UNC79: variants seen among roughly 807,000 people sequenced by gnomAD.
The protein encoded by UNC79 is protein unc-79 homolog.
A neutral mutation model predicts 283.1 loss-of-function variants in UNC79; 37 were observed. That is an observed-to-expected ratio of 0.13 (90% CI 0.10 to 0.17). The LOEUF is 0.17. Ranked by LOEUF, UNC79 falls within the 10% of genes least tolerant of loss-of-function variation. The pLI is 1.00. For missense variants in UNC79, 2,272 were observed against 3,211.1 expected, an observed-to-expected ratio of 0.71 and a Z score of 7.07; for synonymous variants, 1,107 against 1,200.2, an observed-to-expected ratio of 0.92 and a Z score of 1.61.
intron 47 of UNC79, among the ~76,000 whole-genome samples, chr14:93,696,765 G>A (rs546246217): frequency 3.0e-4 from 45 of 152,218 alleles, no homozygotes; most frequent in African/African-American, 9.9e-4. Context: ...TTTTAATTTT[G>A]ATGAAGTACC....
chr14:93,586,303 T>G (rs1375547194), intron 20 of UNC79, among the ~76,000 whole-genome samples: 1 of 152,210 alleles, frequency 6.6e-6, no homozygotes, highest in African/African-American at 2.4e-5. Context: ...CAATCAATCA[T>G]GTATTCAGTT....
chr14:93,677,668 G>T (rs1387341811), intron 41 of UNC79, among the ~76,000 whole-genome samples: 2 of 151,308 alleles, frequency 1.3e-5, no homozygotes, highest in Non-Finnish European at 3.0e-5. Context: ...CTTTTTTTTT[G>T]AAATGGAGGC....
chr14:93,357,745 A>ATG (rs1226095455), intron 1 of UNC79, among the ~76,000 whole-genome samples: 15 of 118,672 alleles, frequency 1.3e-4, no homozygotes, highest in African/African-American at 5.1e-4. Context: ...ATATATATAT[A>ATG]TGGATATATG....
chr14:93,382,788 T>G (rs914530285), intron 1 of UNC79, among the ~76,000 whole-genome samples: 2 of 150,452 alleles, frequency 1.3e-5, no homozygotes, highest in Non-Finnish European at 3.0e-5. Context: ...ATCTTCCTCC[T>G]CATCAGTTAG....
intron 7 of UNC79, among the ~76,000 whole-genome samples, chr14:93,505,352 T>G (rs921403577): frequency 6.6e-6 from 1 of 152,106 alleles, no homozygotes. Context: ...ATTAGGTGTA[T>G]ACAAGTTTAG....
At chr14:93,624,729 A>G (rs369219237) in intron 30 of UNC79, among the ~76,000 whole-genome samples, 11 of 152,264 alleles carry the variant, frequency 7.2e-5, no homozygotes, top group African/African-American at 2.4e-4. Context: ...TTTGCCTCCC[A>G]CTGACTCTGA....
chr14:93,414,459 A>G (rs2055407628), intron 1 of UNC79, among the ~76,000 whole-genome samples: 1 of 152,254 alleles, frequency 6.6e-6, no homozygotes, highest in African/African-American at 2.4e-5. Context: ...GTCAGGTAGC[A>G]TGATGCCTCC....
chr14:93,669,596 G>A (rs2072612983), intron 40 of UNC79, among the ~76,000 whole-genome samples: 1 of 152,122 alleles, frequency 6.6e-6, no homozygotes, highest in Non-Finnish European at 1.5e-5. Flanking sequence ...CAAGCCCTGT[G>A]GTAGCCCAAT....
At chr14:93,408,656 C>T (rs1246901955) in intron 1 of UNC79, among the ~76,000 whole-genome samples, 3 of 152,168 alleles carry the variant, frequency 2.0e-5, no homozygotes, top group Non-Finnish European at 4.4e-5. Flanking sequence ...TGCACCGCTG[C>T]ATTCTAGCCT....
chr14:93,631,028 C>T (rs1174123959), intron 31 of UNC79, 120 bp downstream of exon 33: 7 of 912,402 alleles, frequency 7.7e-6, no homozygotes, highest in Non-Finnish European at 1.2e-5. Context: ...GCATCAGCTT[C>T]CTTGGTGATA....
chr14:93,543,890 A>G (rs942466003), intron 14 of UNC79, among the ~76,000 whole-genome samples: 10 of 152,160 alleles, frequency 6.6e-5, no homozygotes, highest in African/African-American at 2.4e-4. Context: ...GACCATCTAT[A>G]GGGGTAACTT....
Position 93,621,920 on chromosome 14 carries a change from G to T in UNC79, c.4687G>T (p.Glu1563Ter). The T allele has an allele frequency of 6.2e-7, 1 of 1,614,034 alleles. No individual in the cohort carries two copies. Among genetic ancestry groups the T allele is most frequent in the Non-Finnish European group, 8.5e-7 (1 of 1,180,000 alleles). ...GAGGCCTGACAATAGTGAAATCCCC[G>T]AGAACCCAGCTATGGAAGGGTTTCC... Residue 1563 changes from glutamate to a stop codon, truncating the protein, a stop_gained, in exon 30 of 49, where the codon GAG becomes TAG. Coordinates refer to ENST00000555664, the Ensembl canonical transcript of UNC79. LOFTEE classifies it high-confidence loss of function. This position sits in a 1 kb window ranked among gnomAD's most constrained non-coding sequence, Gnocchi z 4.8.
intron 37 of UNC79, among the ~76,000 whole-genome samples, chr14:93,654,514 C>T (rs1021589896): frequency 9.9e-5 from 15 of 151,660 alleles, no homozygotes; most frequent in South Asian, 6.3e-4. Context: ...ACACTCGCAA[C>T]GGAGCGAGAC....
chr14:93,690,382 T>G lies in UNC79; in HGVS notation c.7272+79T>G. On this transcript the variant is annotated intron_variant, in intron 45 of 48. Transcript: ENST00000555664. This position sits in a 1 kb window ranked among gnomAD's most constrained non-coding sequence, Gnocchi z 4.3. ...CCTTATCAGCCAATTATGTTTCTTC[T>G]GAGAAGAAAATACATCTTATCATTT... is the stretch of plus-strand genomic sequence containing the variant. 4 of 1,486,036 alleles carry G rather than the reference T, an allele frequency of 2.7e-6. No homozygotes were observed. The highest frequency in any genetic ancestry group is 2.0e-4 in the Middle Eastern group (1 of 5,122). 92.1% of individuals were successfully genotyped at this position (1,486,036 alleles called of 1,614,324 possible). A position where few individuals can be genotyped will look rare whatever the true frequency, so the allele number is the denominator to read the frequency against.
chr14:93,633,687 C>T (rs181333870), intron 31 of UNC79, among the ~76,000 whole-genome samples: 3 of 152,266 alleles, frequency 2.0e-5, no homozygotes, highest in East Asian at 3.9e-4. Flanking sequence ...GGAATAGGAC[C>T]AGAGGAGACT....
chr14:93,392,228 G>A (rs539897990), intron 1 of UNC79, among the ~76,000 whole-genome samples: 27 of 152,220 alleles, frequency 1.8e-4, no homozygotes, highest in African/African-American at 6.0e-4. Context: ...TTGTACAAAG[G>A]ACTACTGTAC....
chr14:93,577,087 C>T (rs1447143669), intron 17 of UNC79, among the ~76,000 whole-genome samples: 3 of 152,026 alleles, frequency 2.0e-5, no homozygotes, highest in Non-Finnish European at 4.4e-5. Flanking sequence ...TTTGTCCCAG[C>T]TACTTGGGAG....
chr14:93,664,179 G>A (rs2071911056), intron 40 of UNC79, among the ~76,000 whole-genome samples: 1 of 152,140 alleles, frequency 6.6e-6, no homozygotes, highest in Non-Finnish European at 1.5e-5. Flanking sequence ...AAAAATAGCA[G>A]TAGCTAATTG....
chr14:93,614,377 C>T (rs1006451558), intron 27 of UNC79, among the ~76,000 whole-genome samples: 4 of 151,730 alleles, frequency 2.6e-5, no homozygotes, highest in Non-Finnish European at 5.9e-5. Flanking sequence ...AGTGCAGTGG[C>T]GCAGTCTCGG....
Sources: gnomAD v4.1 joint callset for allele counts (sites outside exome capture counted in the v4.1 genomes callset) on GRCh38, gnomAD v4.1.1 for gene constraint, Gnocchi (gnomAD v3.1) non-coding constraint, MANE v1.5 for transcripts, NCBI Gene and HGNC (gene_info 2026-07-23, HGNC 2026-07-21) for gene names.